Variants in GALNTL6 observed in about 807,000 individuals in gnomAD.
GALNTL6 encodes the protein polypeptide N-acetylgalactosaminyltransferase-like 6.
GALNTL6 carries 46 observed loss-of-function variants against 73.7 expected under a neutral mutation model. The observed-to-expected ratio is 0.62, with a 90% confidence interval of 0.49 to 0.80. The LOEUF is 0.80. Ranked by LOEUF, GALNTL6 falls within the 30% of genes least tolerant of loss-of-function variation. The pLI is 0.00. For missense variants in GALNTL6, 604 were observed against 755.0 expected (o/e 0.80, Z 2.34); for synonymous variants, 259 against 263.7 (o/e 0.98, Z 0.17).
At chr4:172,690,753 T>G (rs774777230) in intron 5 of GALNTL6, among the ~76,000 whole-genome samples, 26 of 152,208 alleles carry the variant, frequency 1.7e-4, no homozygotes, top group Non-Finnish European at 3.5e-4. Flanking sequence ...TCAACTAACC[T>G]GAAAATTTAA....
intron 5 of GALNTL6, among the ~76,000 whole-genome samples, chr4:172,634,993 A>C (rs987644909): frequency 6.6e-6 from 1 of 152,182 alleles, no homozygotes; most frequent in Admixed American, 6.5e-5. Flanking sequence ...GGCTTACATC[A>C]ATTTAGTTTT....
chr4:172,447,592 T>G (rs1452891966), intron 5 of GALNTL6, among the ~76,000 whole-genome samples: 1 of 152,178 alleles, frequency 6.6e-6, no homozygotes, highest in Admixed American at 6.6e-5. Flanking sequence ...ACTATAAATG[T>G]AAATGATAGT....
At chr4:172,580,500 AAC>A (rs1232433429) in intron 5 of GALNTL6, among the ~76,000 whole-genome samples, 1 of 152,232 alleles carries the variant, frequency 6.6e-6, no homozygotes, top group Non-Finnish European at 1.5e-5. Context: ...CAGAGAGTAA[AAC>A]ACAGAAAAAT....
chr4:172,431,243 GA>G (rs1020753749), intron 5 of GALNTL6, among the ~76,000 whole-genome samples: 2 of 152,072 alleles, frequency 1.3e-5, no homozygotes, highest in African/African-American at 4.8e-5. Context: ...AATAACTAAT[GA>G]ATTCAGCTAT....
intron 2 of GALNTL6, among the ~76,000 whole-genome samples, chr4:172,227,824 A>G (rs1025960500): frequency 1.3e-5 from 2 of 152,212 alleles, no homozygotes; most frequent in African/African-American, 4.8e-5. Context: ...TATATTACAT[A>G]TATCAAAATA....
chr4:172,106,292 G>T (rs1732673234), intron 2 of GALNTL6, among the ~76,000 whole-genome samples: 1 of 152,086 alleles, frequency 6.6e-6, no homozygotes, highest in Non-Finnish European at 1.5e-5. Flanking sequence ...ATCCACCTCA[G>T]GTTTCCAGGG....
At chr4:172,486,824 A>G (rs1733686314) in intron 5 of GALNTL6, among the ~76,000 whole-genome samples, 1 of 152,240 alleles carries the variant, frequency 6.6e-6, no homozygotes. Flanking sequence ...AACCGTTTTT[A>G]CATTTATGAA....
intron 5 of GALNTL6, among the ~76,000 whole-genome samples, chr4:172,483,622 C>T (rs1733570919): frequency 6.6e-6 from 1 of 152,042 alleles, no homozygotes; most frequent in Non-Finnish European, 1.5e-5. Flanking sequence ...GAAAATTGAA[C>T]GAACTGGGAG....
intron 5 of GALNTL6, among the ~76,000 whole-genome samples, chr4:172,483,323 AGTAGG>A (rs1447026684): frequency 2.6e-5 from 4 of 152,192 alleles, no homozygotes; most frequent in Admixed American, 2.6e-4. Context: ...TTGTGAGTGC[AGTAGG>A]TTTTCAGGAA....
chr4:172,771,335 A>G (rs1248861776), intron 5 of GALNTL6, among the ~76,000 whole-genome samples: 5 of 152,226 alleles, frequency 3.3e-5, no homozygotes, highest in Admixed American at 6.5e-5. Flanking sequence ...TAGAAAGGCC[A>G]CTGGGACAAG....
chr4:172,167,233 T>C (rs1734655952), intron 2 of GALNTL6, among the ~76,000 whole-genome samples: 1 of 152,242 alleles, frequency 6.6e-6, no homozygotes, highest in South Asian at 2.1e-4. Context: ...TGATTCTATA[T>C]GCAGAATTCA....
chr4:171,974,008 A>G (rs1739645982), intron 2 of GALNTL6, among the ~76,000 whole-genome samples: 2 of 151,624 alleles, frequency 1.3e-5, no homozygotes. Context: ...TATTTTATTT[A>G]TTTATTTTTT....
chr4:172,385,996 A>T (rs1321796706), intron 5 of GALNTL6, among the ~76,000 whole-genome samples: 1 of 152,118 alleles, frequency 6.6e-6, no homozygotes, highest in African/African-American at 2.4e-5. Context: ...ATGTCAACTA[A>T]AGTCAATATT....
chr4:171,855,431 C>T (rs965428862), intron 2 of GALNTL6, among the ~76,000 whole-genome samples: 5 of 152,198 alleles, frequency 3.3e-5, no homozygotes, highest in African/African-American at 1.2e-4. Context: ...AAGTTTCCTC[C>T]ATGTCTTTTG....
At chr4:172,060,178 A>T (rs1731152877) in intron 2 of GALNTL6, among the ~76,000 whole-genome samples, 1 of 152,238 alleles carries the variant, frequency 6.6e-6, no homozygotes, top group African/African-American at 2.4e-5. Context: ...TGAATTACCA[A>T]AACATGGAAA....
chr4:172,658,763 T>C (rs1009184682), intron 5 of GALNTL6, among the ~76,000 whole-genome samples: 2 of 152,170 alleles, frequency 1.3e-5, no homozygotes, highest in Admixed American at 6.5e-5. Flanking sequence ...GTTCTGAAAA[T>C]CATGTTGGTA....
intron 7 of GALNTL6, among the ~76,000 whole-genome samples, chr4:172,816,005 A>G (rs1305202199): frequency 2.0e-5 from 3 of 152,186 alleles, no homozygotes; most frequent in Non-Finnish European, 4.4e-5. Context: ...AGTCACCTGA[A>G]TGTGCTCATA....
At position 172,997,890 on chromosome 4, in the gene GALNTL6, T is replaced by C. The variant is rs76561246; in HGVS notation, c.1372-11288T>C. On this transcript the variant is annotated intron_variant, in intron 10 of 12. Transcript: ENST00000506823. ...AAAGTTTTTGTTTTGATGCCAGACA[T>C]GTTTCACAAATAATAAAATGCTTAG... is the stretch of plus-strand genomic sequence containing the variant. 3.8e-3 allele frequency among the ~76,000 whole-genome samples: 575 copies of C among 152,312 alleles called. 28 individuals are homozygous for C. In the East Asian group the frequency reaches 0.097, roughly 26 times the overall value.
Position 171,827,160 on chromosome 4 carries a change from G to A in GALNTL6, c.138+12442G>A, listed in dbSNP as rs573789215. On this transcript the variant is annotated intron_variant, in intron 2 of 12. Coordinates refer to ENST00000506823, the MANE Select transcript of GALNTL6 (RefSeq NM_001034845.3). ...AAAAAGTTCCAACAAGGTCACATTTGCCATACAAGACTAGTGCATATGCCA... is the reference window on the plus strand; with the variant it reads ...AAAAAGTTCCAACAAGGTCACATTTACCATACAAGACTAGTGCATATGCCA... 2.6e-5 allele frequency among the ~76,000 whole-genome samples: 4 copies of A among 152,248 alleles called. No homozygotes were observed. The East Asian group carries it at 7.7e-4, about 29-fold the overall frequency.
Sources: gnomAD v4.1 joint callset for allele counts (sites outside exome capture counted in the v4.1 genomes callset) on GRCh38, gnomAD v4.1.1 for gene constraint, MANE v1.5 for transcripts, NCBI Gene and HGNC (gene_info 2026-07-23, HGNC 2026-07-21) for gene names.